NDUFAF1: variants seen among roughly 807,000 people sequenced by gnomAD.
The protein encoded by NDUFAF1 is complex I intermediate-associated protein 30, mitochondrial.
In NDUFAF1, 18 loss-of-function variants were observed where a neutral mutation model predicts 28.7. The ratio of observed to expected loss-of-function variants is 0.63; its 90% CI spans 0.43 to 0.93. The LOEUF (loss-of-function observed/expected upper bound fraction) is 0.93. Among genes scored for constraint, NDUFAF1 ranks in the 40% least tolerant of loss-of-function variants. The probability of loss-of-function intolerance (pLI) is 0.00; values close to 1 mark genes in which losing one functional copy is unlikely to be tolerated. For missense variants in NDUFAF1, 404 were observed against 398.3 expected, an observed-to-expected ratio of 1.01 and a Z score of -0.12; for synonymous variants, 113 against 139.7, an observed-to-expected ratio of 0.81 and a Z score of 1.35.
chr15:41,388,594 T>C (rs2050279732), intron 3 of NDUFAF1, 72 bp from the exon 4 acceptor site: 1 of 970,640 alleles, frequency 1.0e-6, no homozygotes, highest in Non-Finnish European at 1.7e-6. Context: ...ATTGTAACGA[T>C]AAAATGAGTT....
intron 3 of NDUFAF1, among the ~76,000 whole-genome samples, chr15:41,388,888 GA>G (rs903719800): frequency 6.7e-6 from 1 of 148,738 alleles, no homozygotes; most frequent in Non-Finnish European, 1.5e-5. Flanking sequence ...TTCTATCTCA[GA>G]AAAAAAAGAA....
At chr15:41,395,369 CTTTTCTTTTT>C (rs1451327609) in intron 2 of NDUFAF1, among the ~76,000 whole-genome samples, 3 of 149,282 alleles carry the variant, frequency 2.0e-5, no homozygotes, top group Non-Finnish European at 3.0e-5. Flanking sequence ...CTTTTCTTTT[CTTTTCTTTTT>C]TTTTTTTTGA....
rs200017509 is a variant in NDUFAF1 at position 41,396,609 on chromosome 15, A to C, written c.451T>G (p.Phe151Val). The C allele has an allele frequency of 3.7e-6, 6 of 1,613,912 alleles. No individual in the cohort carries two copies. Among genetic ancestry groups the C allele is most frequent in the Non-Finnish European group, 5.1e-6 (6 of 1,180,032 alleles). The change falls in exon 2 of 5, where the codon TTT becomes GTT. Residue 151 changes from phenylalanine (F) to valine (V), a missense_variant. Transcript: ENST00000260361. ...TGGTTATTCTTGCCCATTTTCAAAA[A>C]CACTTCACTTCTGCCTCCAATCGTC... ...DKTIGGRSEV[F>V]LKMGKNNQSA... is the part of the protein sequence containing the mutation.
chr15:41,394,820 G>C (rs1177392993), intron 3 of NDUFAF1, 39 bp downstream of exon 3: 1 of 1,606,728 alleles, frequency 6.2e-7, no homozygotes, highest in African/African-American at 1.3e-5. Context: ...ACCCAGCCAA[G>C]ACCTCATTTT....
chr15:41,401,516 C>A (rs2050463445), intron 1 of NDUFAF1, among the ~76,000 whole-genome samples: 1 of 151,214 alleles, frequency 6.6e-6, no homozygotes, highest in Non-Finnish European at 1.5e-5. Flanking sequence ...CTCATTGTAA[C>A]CTCCACCTCC....
chr15:41,387,834 G>A (rs769702932), intron 4 of NDUFAF1, among the ~76,000 whole-genome samples: 14 of 152,124 alleles, frequency 9.2e-5, no homozygotes, highest in South Asian at 2.1e-4. Flanking sequence ...TAGGAAGGAC[G>A]GCCGGGCGTC....
In NDUFAF1 at chr15:41,399,016, A is replaced by G. The variant is rs528689806; in HGVS notation, c.-81-1876T>C. On this transcript the variant is annotated intron_variant, in intron 1 of 4. Transcript: ENST00000260361. ...CACAGTGGCTCACACCTGTAATCCC[A>G]GCACTCTGGGAGTCTTAGGCAGGCA... Among the ~76,000 whole-genome samples, 8 of 152,234 alleles carry G rather than the reference A, an allele frequency of 5.3e-5. No individual in the cohort carries two copies. In the East Asian group the frequency reaches 1.5e-3, roughly 29 times the overall value.
chr15:41,396,411 C>T, intron 2 of NDUFAF1, 76 bp downstream of exon 2: 1 of 1,421,128 alleles, frequency 7.0e-7, no homozygotes, highest in Non-Finnish European at 9.8e-7. Flanking sequence ...GAAACAAAAG[C>T]TATCTTCTAT....
At chr15:41,391,941 G>A (rs578057253) in intron 3 of NDUFAF1, among the ~76,000 whole-genome samples, 1 of 152,206 alleles carries the variant, frequency 6.6e-6, no homozygotes, top group East Asian at 1.9e-4. Flanking sequence ...ACAGAAAAGG[G>A]GCTGGTGTGG....
At chr15:41,388,295 A>G (rs1425674884) in intron 4 of NDUFAF1, among the ~76,000 whole-genome samples, 153 bp downstream of exon 4, 3 of 152,162 alleles carry the variant, frequency 2.0e-5, no homozygotes, top group Non-Finnish European at 4.4e-5. Context: ...GGTTCATAGG[A>G]GAGGTCTAAG....
intron 3 of NDUFAF1, among the ~76,000 whole-genome samples, chr15:41,389,338 A>G (rs2050291330): frequency 6.6e-6 from 1 of 150,504 alleles, no homozygotes; most frequent in Non-Finnish European, 1.5e-5. Flanking sequence ...GTAATCTGCC[A>G]ACCTTGGCCT....
chr15:41,394,463 C>T, intron 3 of NDUFAF1: 9 of 936,494 alleles, frequency 9.6e-6, no homozygotes, highest in Non-Finnish European at 1.3e-5. Flanking sequence ...CTGGCCACAT[C>T]CATATCAAAA....
At chr15:41,387,674 G>T (rs1012238411) in intron 4 of NDUFAF1, 81 bp from the exon 5 acceptor site, 107 of 1,225,016 alleles carry the variant, frequency 8.7e-5, no homozygotes, top group Middle Eastern at 5.6e-4. Context: ...AATCCCATCA[G>T]GTGATGATTA....
In NDUFAF1 at chr15:41,396,858, C is replaced by G; in HGVS notation, c.202G>C (p.Ala68Pro). Residue 68 changes from alanine to proline, a missense_variant, in exon 2 of 5, where the codon GCT becomes CCT. By Grantham distance (27) the Ala-to-Pro change is conservative (BLOSUM62 -1). Coordinates refer to ENST00000260361, the MANE Select transcript of NDUFAF1 (RefSeq NM_016013.4). ...DLQGDHQKEV[A>P]LDITSSEEKP... ...TCCTCAGAAGAAGTTATATCCAAAGCAACTTCTTTCTGGTGATCTCCTTGC... is the reference window on the plus strand; with the variant it reads ...TCCTCAGAAGAAGTTATATCCAAAGGAACTTCTTTCTGGTGATCTCCTTGC... 6.2e-7 allele frequency: 1 copy of G among 1,614,168 alleles called. No homozygotes were observed. The highest frequency in any genetic ancestry group is 8.5e-7 in the Non-Finnish European group (1 of 1,180,042).
At chr15:41,390,046 C>T (rs890557603) in intron 3 of NDUFAF1, among the ~76,000 whole-genome samples, 2 of 152,012 alleles carry the variant, frequency 1.3e-5, no homozygotes, top group Non-Finnish European at 2.9e-5. Context: ...TCACTGCAGC[C>T]TTGACCTCCC....
Position 41,402,286 on chromosome 15 carries a change from A to C in NDUFAF1, c.-224T>G, listed in dbSNP as rs1299901636. The C allele has an allele frequency of 2.2e-6, 1 of 454,000 alleles. No individual in the cohort carries two copies. The highest frequency in any genetic ancestry group is 2.0e-5 in the African/African-American group (1 of 50,002). The allele number at this position is 454,000 out of a possible 1,614,324, so 28.1% of individuals were successfully genotyped here. Reference sequence around the variant, plus strand: ...CGAGGTCACACAGGTAGTGAGTGGCAAAATTCTTCCGCCTTGGCGTATACC... The same window carrying C: ...CGAGGTCACACAGGTAGTGAGTGGCCAAATTCTTCCGCCTTGGCGTATACC... On this transcript the variant is annotated 5_prime_UTR_variant, in exon 1 of 5. Coordinates refer to ENST00000260361, the MANE Select transcript of NDUFAF1 (RefSeq NM_016013.4).
At chr15:41,402,563 C>T (rs1443147167), upstream of NDUFAF1, 6 of 290,800 alleles carry the variant, frequency 2.1e-5, no homozygotes, top group East Asian at 4.6e-4. Context: ...CGGCCGAGTA[C>T]AGAAGCCCAG....
chr15:41,399,094 C>T (rs1409307516), intron 1 of NDUFAF1, among the ~76,000 whole-genome samples: 1 of 152,042 alleles, frequency 6.6e-6, no homozygotes, highest in Admixed American at 6.6e-5. Context: ...GGTAAAACCC[C>T]GTCTCCATTA....
intron 4 of NDUFAF1, 152 bp downstream of exon 4, chr15:41,388,296 G>A (rs1387488455): frequency 6.2e-6 from 4 of 641,872 alleles, no homozygotes; most frequent in Non-Finnish European, 1.1e-5. Context: ...GTTCATAGGA[G>A]AGGTCTAAGT....
Sources: gnomAD v4.1 joint callset for allele counts (sites outside exome capture counted in the v4.1 genomes callset) on GRCh38, gnomAD v4.1.1 for gene constraint, MANE v1.5 for transcripts, NCBI Gene and HGNC (gene_info 2026-07-23, HGNC 2026-07-21) for gene names.